The following RNF144B variants were observed in gnomAD, a reference collection of about 807,000 sequenced individuals.
The protein encoded by RNF144B is ring finger protein 144B.
A neutral mutation model predicts 40.2 loss-of-function variants in RNF144B; 25 were observed. The observed-to-expected ratio is 0.62, with a 90% confidence interval of 0.45 to 0.87. The LOEUF (loss-of-function observed/expected upper bound fraction) is 0.87. RNF144B is among the 40% of genes least tolerant of loss of function. The pLI, the probability that RNF144B is intolerant of heterozygous loss-of-function variation, is 0.00. For synonymous variants in RNF144B, 145 were observed against 136.3 expected (o/e 1.06, Z -0.44); for missense variants, 365 against 373.7 (o/e 0.98, Z 0.19).
rs1759401808 is a variant in RNF144B at position 18,459,346 on chromosome 6, A to G, written c.537-261A>G. The stretch of plus-strand genomic sequence containing the variant: ...TATTTAGGCAATGCATGCTTAGGGA[A>G]TGAAATATTAATTTGACAAAATAGT... On this transcript the variant is annotated intron_variant, in intron 5 of 7. Transcript: ENST00000259939. The surrounding 1 kb of genome is among the most constrained non-coding windows in gnomAD (Gnocchi z 4.2). Among the ~76,000 whole-genome samples the G allele has an allele frequency of 6.6e-6, 1 of 152,226 alleles. No individual in the cohort carries two copies. Among genetic ancestry groups the G allele is most frequent in the African/African-American group, 2.4e-5 (1 of 41,462 alleles).
At chr6:18,392,035 TAAAAA>T (rs10643409) in intron 1 of RNF144B, among the ~76,000 whole-genome samples, 4 of 71,082 alleles carry the variant, frequency 5.6e-5, no homozygotes, top group Middle Eastern at 9.6e-3. Context: ...CCATCTCTAC[TAAAAA>T]AAAAAAAAAA....
At chr6:18,407,069 C>A (rs528906537) in intron 2 of RNF144B, among the ~76,000 whole-genome samples, 2 of 152,232 alleles carry the variant, frequency 1.3e-5, no homozygotes, top group East Asian at 3.9e-4. Context: ...CCAGGTCCCT[C>A]CCTCAACATC....
intron 2 of RNF144B, among the ~76,000 whole-genome samples, chr6:18,424,899 T>G (rs1758511326): frequency 6.6e-6 from 1 of 152,198 alleles, no homozygotes; most frequent in Non-Finnish European, 1.5e-5. Flanking sequence ...AGAAAGGATA[T>G]CTCAGAAGGT....
At position 18,406,457 on chromosome 6, in the gene RNF144B, A is replaced by AGT. The variant is rs58124564; in HGVS notation, c.165+6801_165+6802dup. Among the ~76,000 whole-genome samples the AGT allele has an allele frequency of 0.28, 36,757 of 130,204 alleles. 5,621 individuals carry two copies. The highest frequency in any genetic ancestry group is 0.37 in the Non-Finnish European group (22,724 of 61,444). The allele number at this position is 130,204 out of a possible 152,430, so 85.4% of individuals were successfully genotyped here. ...CAAAGGAGGCTGGTGTGGCTGGAAA[A>AGT]GTGTGTGTGTGTGTGTGTGTGTGTG... On this transcript the variant is annotated intron_variant, in intron 2 of 7. Transcript: ENST00000259939. This position sits in a 1 kb window ranked among gnomAD's most constrained non-coding sequence, Gnocchi z 4.2.
intron 2 of RNF144B, chr6:18,401,860 A>G (rs375625375): frequency 4.1e-5 from 1 of 24,246 alleles, no homozygotes; most frequent in African/African-American, 8.6e-5. Context: ...CCCCTGCCCC[A>G]GGGAGTATCC....
rs1347038196 is a variant in RNF144B, at chr6:18,405,180, A to G, written c.165+5481A>G. 7.3e-6 allele frequency among the ~76,000 whole-genome samples: 1 copy of G among 137,818 alleles called. No individual in the cohort carries two copies. Among genetic ancestry groups the G allele is most frequent in the African/African-American group, 2.6e-5 (1 of 38,532 alleles). 90.4% of individuals were successfully genotyped at this position (137,818 alleles called of 152,430 possible). On this transcript the variant is annotated intron_variant, in intron 2 of 7. Coordinates refer to ENST00000259939, the MANE Select transcript of RNF144B (RefSeq NM_182757.4). The surrounding 1 kb of genome is among the most constrained non-coding windows in gnomAD (Gnocchi z 4.5). ...TATTATTATTATTATTATTATTGTT[A>G]TTATTATTTTTGAGATGGAGTCTTG...
intron 2 of RNF144B, among the ~76,000 whole-genome samples, chr6:18,424,388 G>A (rs1758502652): frequency 6.6e-6 from 1 of 152,198 alleles, no homozygotes; most frequent in Non-Finnish European, 1.5e-5. Flanking sequence ...TGCCTGTGCT[G>A]TAGGACTACT....
In RNF144B at chr6:18,418,838, A is replaced by C. The variant is rs9297070; in HGVS notation, c.166-8743A>C. On this transcript the variant is annotated intron_variant, in intron 2 of 7. Transcript: ENST00000259939. The surrounding 1 kb of genome is among the most constrained non-coding windows in gnomAD (Gnocchi z 5.2). ...TAATAATGCTATATATATAATATAC[A>C]CTGACACCTGGATCCTTCTCTTAGA... Among the ~76,000 whole-genome samples, 33,349 of 151,708 alleles carry C rather than the reference A, an allele frequency of 0.22. 4,200 individuals carry two copies. The highest frequency in any genetic ancestry group is 0.35 in the African/African-American group (14,330 of 41,330).
Position 18,387,407 on chromosome 6 carries a change from G to A in RNF144B, c.-260G>A, listed in dbSNP as rs1794468453. 1.7e-6 allele frequency: 2 copies of A among 1,175,118 alleles called. No homozygotes were observed. The highest frequency in any genetic ancestry group is 1.6e-5 in the African/African-American group (1 of 61,782). The allele number at this position is 1,175,118 out of a possible 1,614,324, so 72.8% of individuals were successfully genotyped here. A position where few individuals can be genotyped will look rare whatever the true frequency, so the allele number is the denominator to read the frequency against. On this transcript the variant is annotated 5_prime_UTR_variant, in exon 1 of 8. Transcript: ENST00000259939. ...CCGGGCATCGCAGCTGCCAGTCAAG[G>A]CTAGGAGGCGGTCGGGGACTCCGCC...
chr6:18,417,775 A>G (rs1795173439), intron 2 of RNF144B, among the ~76,000 whole-genome samples: 4 of 152,224 alleles, frequency 2.6e-5, no homozygotes, highest in African/African-American at 9.6e-5. Context: ...TTCAATGGAC[A>G]TCATCAAGAA....
At chr6:18,428,200 C>T (rs915044505) in intron 3 of RNF144B, among the ~76,000 whole-genome samples, 6 of 152,138 alleles carry the variant, frequency 3.9e-5, no homozygotes, top group African/African-American at 1.4e-4. Flanking sequence ...TTTGCTTTCT[C>T]TTCTACCATG....
At chr6:18,451,260 G>A (rs1759203712) in intron 4 of RNF144B, among the ~76,000 whole-genome samples, 2 of 152,042 alleles carry the variant, frequency 1.3e-5, no homozygotes, top group Non-Finnish European at 2.9e-5. Flanking sequence ...ATCTCCATGT[G>A]CCCAGGGTCT....
intron 2 of RNF144B, among the ~76,000 whole-genome samples, chr6:18,424,961 G>A (rs1758512276): frequency 6.6e-6 from 1 of 152,160 alleles, no homozygotes; most frequent in Non-Finnish European, 1.5e-5. Context: ...CTAAGACCAG[G>A]AGAAGAGGAG....
At chr6:18,401,685 A>G (rs776922382) in intron 2 of RNF144B, among the ~76,000 whole-genome samples, 37 of 152,230 alleles carry the variant, frequency 2.4e-4, no homozygotes, top group Non-Finnish European at 4.4e-4. Context: ...TTTAATTTGC[A>G]TCTGTATTCA....
In RNF144B at chr6:18,399,545, C is replaced by G. The variant is rs1217384125; in HGVS notation, c.11C>G (p.Ala4Gly). The stretch of plus-strand genomic sequence containing the variant: ...GCTGAAGACAGGCTGATGGGCTCAG[C>G]TGGTAGGCTCCACTATCTCGCCATG... The part of the protein sequence containing the change: MGS[A>G]GRLHYLAMTA... Residue 4 changes from alanine (A) to glycine (G), a missense_variant, in exon 2 of 8, where the codon GCT becomes GGT. By Grantham distance (60) the Ala-to-Gly change is moderately conservative. Transcript: ENST00000259939. 2 of 1,614,072 alleles carry G rather than the reference C, an allele frequency of 1.2e-6. No individual in the cohort carries two copies. Among genetic ancestry groups the G allele is most frequent in the Admixed American group, 1.7e-5 (1 of 60,002 alleles).
chr6:18,410,858 T>G lies in RNF144B; in HGVS notation c.165+11159T>G, dbSNP rs1232462481. ...TCGGAGAACAATGTCCTTATCAACT[T>G]AGGATACATGTGTATGGCAGACTGC... is the stretch of plus-strand genomic sequence containing the variant. On this transcript the variant is annotated intron_variant, in intron 2 of 7. Coordinates refer to ENST00000259939, the MANE Select transcript of RNF144B (RefSeq NM_182757.4). This position sits in a 1 kb window ranked among gnomAD's most constrained non-coding sequence, Gnocchi z 4.6. Among the ~76,000 whole-genome samples, 2 of 152,152 alleles carry G rather than the reference T, an allele frequency of 1.3e-5. No individual in the cohort carries two copies. The highest frequency in any genetic ancestry group is 4.8e-5 in the African/African-American group (2 of 41,438).
rs1454752557 is a variant in RNF144B at position 18,414,363 on chromosome 6, C to A, written c.166-13218C>A. ...ATCATTCCATGTATAGAAATAATAT[C>A]TTCTTGAGGAAACTGTTAAGCGTCA... On this transcript the variant is annotated intron_variant, in intron 2 of 7. Transcript: ENST00000259939. This position sits in a 1 kb window ranked among gnomAD's most constrained non-coding sequence, Gnocchi z 4.9. Among the ~76,000 whole-genome samples the A allele has an allele frequency of 6.6e-6, 1 of 152,028 alleles. No individual in the cohort carries two copies. Among genetic ancestry groups the A allele is most frequent in the East Asian group, 1.9e-4 (1 of 5,176 alleles).
rs193244658 is a variant in RNF144B at position 18,442,977 on chromosome 6, G to A, written c.331+3233G>A. Among the ~76,000 whole-genome samples, 111 of 152,274 alleles carry A rather than the reference G, an allele frequency of 7.3e-4. No individual in the cohort carries two copies. The highest frequency in any genetic ancestry group is 2.4e-3 in the African/African-American group (99 of 41,544). On this transcript the variant is annotated intron_variant, in intron 4 of 7. Coordinates refer to ENST00000259939, the MANE Select transcript of RNF144B (RefSeq NM_182757.4). The surrounding 1 kb of genome is among the most constrained non-coding windows in gnomAD (Gnocchi z 4.3). ...TGTTTCCACCTTTTGGCTACTGTAA[G>A]TAATGCTGCTGTGAACACTGGGGTA...
rs1307821925 is a variant in RNF144B, at chr6:18,448,651, C to T, written c.332-8504C>T. ...TTTTTCAAAGTATAGAACTGTGACC[C>T]AGAATAATAAATCCATTTTATTTTG... On this transcript the variant is annotated intron_variant, in intron 4 of 7. Coordinates refer to ENST00000259939, the MANE Select transcript of RNF144B (RefSeq NM_182757.4). The surrounding 1 kb of genome is among the most constrained non-coding windows in gnomAD (Gnocchi z 4.0). Among the ~76,000 whole-genome samples, 4 of 151,016 alleles carry T rather than the reference C, an allele frequency of 2.6e-5. No homozygotes were observed. The highest frequency in any genetic ancestry group is 5.9e-5 in the Non-Finnish European group (4 of 67,844).
Sources: allele counts gnomAD v4.1 joint callset (sites outside exome capture counted in the v4.1 genomes callset), GRCh38; gene constraint gnomAD v4.1.1; non-coding constraint Gnocchi (gnomAD v3.1); transcripts MANE v1.5; gene names NCBI Gene and HGNC (gene_info 2026-07-23, HGNC 2026-07-21).